Variants in MIGA2 observed in about 807,000 individuals in gnomAD.
The protein encoded by MIGA2 is mitoguardin 2, also known as family with sequence similarity 73, member B.
In MIGA2, 36 loss-of-function variants were observed where a neutral mutation model predicts 69.9. That is an observed-to-expected ratio of 0.52 (90% CI 0.39 to 0.68). The LOEUF is 0.68. Among genes scored for constraint, MIGA2 ranks in the 30% least tolerant of loss-of-function variants. MIGA2 has a pLI of 0.00. For missense variants in MIGA2, 660 were observed against 787.7 expected, an observed-to-expected ratio of 0.84 and a Z score of 1.94; for synonymous variants, 333 against 349.2, an observed-to-expected ratio of 0.95 and a Z score of 0.52.
chr9:129,063,655 G>GGGGGGGGGGGGGGGCCCC, intron 11 of MIGA2, 24 bp downstream of exon 11: 4 of 645,734 alleles, frequency 6.2e-6, no homozygotes, highest in African/African-American at 1.9e-5. Flanking sequence ...GGGTGGGGGG[G>GGGGGGGGGGGGGGGCCCC]CAAATTATAA....
chr9:129,067,732 T>C, intron 11 of MIGA2, 41 bp from the exon 12 acceptor site: 1 of 1,564,350 alleles, frequency 6.4e-7, no homozygotes, highest in Non-Finnish European at 8.7e-7. Flanking sequence ...TCCCTGTGGG[T>C]CTTGTCCAGT....
rs756016955 is a variant in MIGA2, at chr9:129,070,468, G to A, written c.*15G>A. 6 of 1,524,144 alleles carry A rather than the reference G, an allele frequency of 3.9e-6. No individual in the cohort carries two copies. Among genetic ancestry groups the A allele is most frequent in the Non-Finnish European group, 4.4e-6 (5 of 1,133,430 alleles). The allele number at this position is 1,524,144 out of a possible 1,614,324, so 94.4% of individuals were successfully genotyped here. ...AGCTGCAGTAGAGGCGGCACGGGCTGGGGGGTGGCAGAGAGAAGGCTCCTC... is the reference window on the plus strand; with the variant it reads ...AGCTGCAGTAGAGGCGGCACGGGCTAGGGGGTGGCAGAGAGAAGGCTCCTC... On this transcript the variant is annotated 3_prime_UTR_variant, in exon 16 of 16. Coordinates refer to ENST00000684074, the MANE Select transcript of MIGA2 (RefSeq NM_001329990.2).
Position 129,040,536 on chromosome 9 carries a change from A to G in MIGA2, c.-59A>G. 2 of 1,561,492 alleles carry G rather than the reference A, an allele frequency of 1.3e-6. No individual in the cohort carries two copies. Among genetic ancestry groups the G allele is most frequent in the Non-Finnish European group, 1.7e-6 (2 of 1,148,294 alleles). Reference sequence around the variant, plus strand: ...TGGGACCCAGCTGGCAACCAGTTGAAGACGTTCTCCTTGGAAGCTCTTGGC... The same window carrying G: ...TGGGACCCAGCTGGCAACCAGTTGAGGACGTTCTCCTTGGAAGCTCTTGGC... On this transcript the variant is annotated 5_prime_UTR_variant, in exon 2 of 16. Coordinates refer to ENST00000684074, the MANE Select transcript of MIGA2 (RefSeq NM_001329990.2).
At chr9:129,050,571 C>CT (rs1381013248) in intron 6 of MIGA2, among the ~76,000 whole-genome samples, 3 of 135,194 alleles carry the variant, frequency 2.2e-5, no homozygotes, top group African/African-American at 8.4e-5. Context: ...TCGTACCCAG[C>CT]TGTTTTTTTT....
Position 129,069,607 on chromosome 9 carries a change from A to G in MIGA2, c.1459-242A>G. ...ACCAGCTGCCGTGGCCACGTGCTCC[A>G]GGCACTTCCCGCGGAGCCACTATGG... On this transcript the variant is annotated intron_variant, in intron 14 of 15. Coordinates refer to ENST00000684074, the MANE Select transcript of MIGA2 (RefSeq NM_001329990.2). The surrounding 1 kb of genome is among the most constrained non-coding windows in gnomAD (Gnocchi z 4.9). 1 of 569,142 alleles carries G rather than the reference A, an allele frequency of 1.8e-6. No homozygotes were observed. Among genetic ancestry groups the G allele is most frequent in the Non-Finnish European group, 3.2e-6 (1 of 316,496 alleles). 35.3% of individuals were successfully genotyped at this position (569,142 alleles called of 1,614,324 possible).
At position 129,069,285 on chromosome 9, in the gene MIGA2, G is replaced by A; in HGVS notation, c.1458+156G>A. ...GCCGTTACCTCTCCCTGTGCCAGGA[G>A]CTCCCTGGAGGCTCGTGTAGACCCA... On this transcript the variant is annotated intron_variant, in intron 14 of 15. Transcript: ENST00000684074. This position sits in a 1 kb window ranked among gnomAD's most constrained non-coding sequence, Gnocchi z 4.9. 2.2e-6 allele frequency: 2 copies of A among 891,726 alleles called. No homozygotes were observed. Among genetic ancestry groups the A allele is most frequent in the Admixed American group, 2.0e-5 (1 of 49,312 alleles). The allele number at this position is 891,726 out of a possible 1,614,324, so 55.2% of individuals were successfully genotyped here.
chr9:129,049,457 T>C lies in MIGA2; in HGVS notation c.497T>C (p.Leu166Pro). 3 of 1,613,630 alleles carry C rather than the reference T, an allele frequency of 1.9e-6. No homozygotes were observed. The highest frequency in any genetic ancestry group is 1.7e-6 in the Non-Finnish European group (2 of 1,179,862). The change falls in exon 5 of 16, where the codon CTG becomes CCG. Residue 166 changes from leucine (L) to proline (P), a missense_variant. Leu to Pro is a moderately conservative substitution (Grantham distance 98, BLOSUM62 -3). Transcript: ENST00000684074. ...GATGCCAGAGGGATGGAGGAGTCTCTGACCACCAGCGACGGCAATGCAGAG... is the reference window on the plus strand; with the variant it reads ...GATGCCAGAGGGATGGAGGAGTCTCCGACCACCAGCGACGGCAATGCAGAG... ...LWDARGMEES[L>P]TTSDGNAESL... is the part of the protein sequence containing the mutation.
intron 5 of MIGA2, 98 bp from the exon 6 acceptor site, chr9:129,049,728 TG>T (rs1845418067): frequency 6.3e-7 from 1 of 1,582,920 alleles, no homozygotes; most frequent in Admixed American, 1.8e-5. Flanking sequence ...ACCCAGTTCT[TG>T]CCCTTCAAGG....
At position 129,068,997 on chromosome 9, in the gene MIGA2, G is replaced by T; in HGVS notation, c.1405-79G>T. The T allele has an allele frequency of 6.4e-7, 1 of 1,550,874 alleles. No homozygotes were observed. On this transcript the variant is annotated intron_variant, in intron 13 of 15. Transcript: ENST00000684074. The surrounding 1 kb of genome is among the most constrained non-coding windows in gnomAD (Gnocchi z 4.1). ...TGGGGTGAGCTGGGTTTAAGGGCTT[G>T]GTGCTGGGCTGGCAGAGGGCGAGGG...
intron 3 of MIGA2, 88 bp downstream of exon 3, chr9:129,042,602 T>G: frequency 3.0e-6 from 4 of 1,341,532 alleles, no homozygotes; most frequent in Non-Finnish European, 3.1e-6. Context: ...TTGGGGATAT[T>G]GGGCCAGTGT....
At position 129,059,317 on chromosome 9, in the gene MIGA2, G is replaced by C; in HGVS notation, c.793+46G>C. ...GTGGGGTGGGCGTGGAGGGTGGCAG[G>C]GATGGAGGTGAGGAGAAGTTGCGAG... On this transcript the variant is annotated intron_variant, in intron 7 of 15. Transcript: ENST00000684074. This position sits in a 1 kb window ranked among gnomAD's most constrained non-coding sequence, Gnocchi z 5.6. 6.9e-7 allele frequency: 1 copy of C among 1,447,530 alleles called. No individual in the cohort carries two copies. Among genetic ancestry groups the C allele is most frequent in the East Asian group, 2.5e-5 (1 of 40,024 alleles). The allele number at this position is 1,447,530 out of a possible 1,614,324, so 89.7% of individuals were successfully genotyped here.
chr9:129,063,198 G>A (rs767703038), intron 9 of MIGA2, 46 bp from the exon 10 acceptor site: 23 of 1,606,852 alleles, frequency 1.4e-5, no homozygotes, highest in Admixed American at 6.7e-5. Context: ...CCGGGGCATC[G>A]CTGGGCAGGG....
chr9:129,049,283 G>A (rs977644545), intron 4 of MIGA2, 98 bp from the exon 5 acceptor site: 82 of 1,131,690 alleles, frequency 7.2e-5, no homozygotes, highest in Middle Eastern at 2.1e-4. Context: ...TGGAGGGGGC[G>A]TGTGGCCCAT....
chr9:129,045,879 G>T (rs1845194891), intron 3 of MIGA2, among the ~76,000 whole-genome samples: 1 of 151,070 alleles, frequency 6.6e-6, no homozygotes, highest in Non-Finnish European at 1.5e-5. Context: ...TTTTTAGACG[G>T]AGTCTTGCTC....
rs754157885 is a variant in MIGA2 at position 129,069,886 on chromosome 9, C to T, written c.1496C>T (p.Ser499Leu). The T allele has an allele frequency of 1.4e-5, 23 of 1,613,812 alleles. No homozygotes were observed. The highest frequency in any genetic ancestry group is 2.7e-5 in the African/African-American group (2 of 74,950). ...TTCATCTCCCATTTCTACTCCGTAT[C>T]GGAGCATGTGAGCCCTGTCCTAGCC... The part of the protein sequence containing the change: ...DGFISHFYSV[S>L]EHVSPVLAFG... Residue 499 changes from serine to leucine, a missense_variant, in exon 15 of 16, where the codon TCG becomes TTG. Around this residue, in one of 3 missense-constraint regions of MIGA2, gnomAD observed 220 missense variants for 301.7 expected, o/e 0.73. Transcript: ENST00000684074. The surrounding 1 kb of genome is among the most constrained non-coding windows in gnomAD (Gnocchi z 4.9).
At position 129,067,895 on chromosome 9, in the gene MIGA2, C is replaced by T. The variant is rs570344208; in HGVS notation, c.1269+24C>T. 32 of 1,600,180 alleles carry T rather than the reference C, an allele frequency of 2.0e-5. No homozygotes were observed. In the East Asian group the frequency reaches 4.5e-4, roughly 22 times the overall value. On this transcript the variant is annotated intron_variant, in intron 12 of 15. Coordinates refer to ENST00000684074, the MANE Select transcript of MIGA2 (RefSeq NM_001329990.2). ...GGGTGAGTTGCTTTGTGCTGAACCC[C>T]GACATCCCGGGCTCCCCTGCATCTG... is the stretch of plus-strand genomic sequence containing the variant.
Position 129,042,517 on chromosome 9 carries a change from A to G in MIGA2, c.307+3A>G. 1 of 1,554,038 alleles carries G rather than the reference A, an allele frequency of 6.4e-7. No individual in the cohort carries two copies. Among genetic ancestry groups the G allele is most frequent in the South Asian group, 1.2e-5 (1 of 85,108 alleles). ...GAAGGTCCCTTCAGTGAAGAAAGGT[A>G]GGTGTGAGGTGGTGGGCATAGGCCT... On this transcript the variant is annotated splice_donor_region_variant and intron_variant, in intron 3 of 15. Coordinates refer to ENST00000684074, the MANE Select transcript of MIGA2 (RefSeq NM_001329990.2).
rs183067622 is a variant in MIGA2 at position 129,038,769 on chromosome 9, A to G, written c.-143-1683A>G. Among the ~76,000 whole-genome samples, 23 of 147,590 alleles carry G rather than the reference A, an allele frequency of 1.6e-4. No homozygotes were observed. The East Asian group carries it at 3.7e-3, about 24-fold the overall frequency. On this transcript the variant is annotated intron_variant, in intron 1 of 15. Transcript: ENST00000684074. Reference sequence around the variant, plus strand: ...AAGGTGGGTGGCATCAACTTCACATAATCCTTTTTTTTTGTTTGTCTTTTT... The same window carrying G: ...AAGGTGGGTGGCATCAACTTCACATGATCCTTTTTTTTTGTTTGTCTTTTT...
At position 129,052,992 on chromosome 9, in the gene MIGA2, T is replaced by C. The variant is rs1588390690; in HGVS notation, c.675+3029T>C. 2.0e-5 allele frequency among the ~76,000 whole-genome samples: 3 copies of C among 152,316 alleles called. No homozygotes were observed. In the South Asian group the frequency reaches 6.2e-4, roughly 32 times the overall value. ...CCAAATTGTATTTCTTGCTAAAAAC[T>C]ATATCTGAAAATGATAGAATTTGCA... On this transcript the variant is annotated intron_variant, in intron 6 of 15. Coordinates refer to ENST00000684074, the MANE Select transcript of MIGA2 (RefSeq NM_001329990.2).
Sources: allele counts gnomAD v4.1 joint callset (sites outside exome capture counted in the v4.1 genomes callset), GRCh38; gene constraint gnomAD v4.1.1; regional missense constraint gnomAD v4.1.1; non-coding constraint Gnocchi (gnomAD v3.1); transcripts MANE v1.5; gene names NCBI Gene and HGNC (gene_info 2026-07-23, HGNC 2026-07-21).